Variants in RAPGEF4 observed in about 807,000 individuals in gnomAD.
The protein encoded by RAPGEF4 is RAP guanine-nucleotide-exchange factor (GEF) 4.
A neutral mutation model predicts 147.9 loss-of-function variants in RAPGEF4; 66 were observed. That is an observed-to-expected ratio of 0.45 (90% CI 0.37 to 0.55). RAPGEF4 has a LOEUF of 0.55. RAPGEF4 is among the 20% of genes least tolerant of loss of function. RAPGEF4 has a pLI of 0.00. For synonymous variants in RAPGEF4, 419 were observed against 442.7 expected, an observed-to-expected ratio of 0.95 and a Z score of 0.67; for missense variants, 1,071 against 1,257.3, an observed-to-expected ratio of 0.85 and a Z score of 2.24.
chr2:173,048,796 G>C, intron 30 of RAPGEF4, 142 bp downstream of exon 30: 1 of 1,448,362 alleles, frequency 6.9e-7, no homozygotes, highest in Non-Finnish European at 9.1e-7. Context: ...ATGAGATAGG[G>C]GCCTTGAGTT....
intron 4 of RAPGEF4, among the ~76,000 whole-genome samples, chr2:172,826,737 C>T (rs183434965): frequency 2.0e-4 from 30 of 152,146 alleles, no homozygotes; most frequent in African/African-American, 6.5e-4. Context: ...GAGGGTGATG[C>T]GAGCAGATTT....
chr2:172,795,032 G>T lies in RAPGEF4; in HGVS notation c.73G>T (p.Glu25Ter). 6.2e-7 allele frequency: 1 copy of T among 1,613,920 alleles called. No homozygotes were observed. Among genetic ancestry groups the T allele is most frequent in the Non-Finnish European group, 8.5e-7 (1 of 1,179,918 alleles). Residue 25 changes from glutamate to a stop codon, truncating the protein, a stop_gained, in exon 2 of 31, where the codon GAG becomes TAG. Coordinates refer to ENST00000397081, the MANE Select transcript of RAPGEF4 (RefSeq NM_007023.4). LOFTEE classifies it high-confidence loss of function. ...WIACLDKRPL[E>*]RSSEDVDIIF... ...CCTTTTCTCCCTATACAGACCACTG[G>T]AGCGATCCAGCGAAGATGTGGATAT...
At chr2:172,847,822 G>C (rs1297288028) in intron 4 of RAPGEF4, among the ~76,000 whole-genome samples, 2 of 152,136 alleles carry the variant, frequency 1.3e-5, no homozygotes, top group Non-Finnish European at 2.9e-5. Context: ...TACTTTAATA[G>C]GACCATGTGT....
intron 4 of RAPGEF4, among the ~76,000 whole-genome samples, chr2:172,855,479 G>T (rs1411405188): frequency 6.6e-6 from 1 of 152,162 alleles, no homozygotes. Flanking sequence ...GTATGTGTGT[G>T]TCTGTCTGTT....
At chr2:172,960,652 AT>A in intron 6 of RAPGEF4, 107 bp from the exon 7 acceptor site, 1 of 778,030 alleles carries the variant, frequency 1.3e-6, no homozygotes, top group Non-Finnish European at 1.9e-6. Flanking sequence ...TTTAAATTAT[AT>A]TTTGAGTTTT....
chr2:172,812,596 T>C (rs141756528), intron 3 of RAPGEF4, among the ~76,000 whole-genome samples: 3 of 152,302 alleles, frequency 2.0e-5, no homozygotes, highest in Non-Finnish European at 2.9e-5. Flanking sequence ...GACTGATTAA[T>C]CCATAAACTG....
chr2:173,013,488 A>C (rs1320947843), intron 17 of RAPGEF4, among the ~76,000 whole-genome samples: 1 of 152,254 alleles, frequency 6.6e-6, no homozygotes. Flanking sequence ...TTATATTGTA[A>C]ATAGTGAAGA....
chr2:172,775,305 AC>A (rs1684057676), intron 1 of RAPGEF4, among the ~76,000 whole-genome samples: 1 of 152,146 alleles, frequency 6.6e-6, no homozygotes, highest in Non-Finnish European at 1.5e-5. Flanking sequence ...AATCATTCAA[AC>A]CTTGCCTGAA....
chr2:173,002,621 C>CTT (rs35905755), intron 17 of RAPGEF4, among the ~76,000 whole-genome samples: 48,817 of 138,776 alleles, frequency 0.35, 9,179 homozygotes, highest in East Asian at 0.73. Context: ...TTTATTCTTT[C>CTT]TTTTTTTTTT....
intron 4 of RAPGEF4, among the ~76,000 whole-genome samples, chr2:172,849,074 C>CTT (rs71018522): frequency 7.4e-5 from 10 of 134,338 alleles, no homozygotes; most frequent in South Asian, 2.5e-4. Context: ...GGGAGCTTTT[C>CTT]TTTTTTTTTT....
chr2:172,883,936 G>T (rs561941939), intron 4 of RAPGEF4, among the ~76,000 whole-genome samples: 2 of 152,308 alleles, frequency 1.3e-5, no homozygotes, highest in Non-Finnish European at 2.9e-5. Context: ...TATTTTGGAG[G>T]AGAGAAGGGG....
At chr2:172,874,854 G>T (rs1695693220) in intron 4 of RAPGEF4, among the ~76,000 whole-genome samples, 1 of 152,066 alleles carries the variant, frequency 6.6e-6, no homozygotes, top group South Asian at 2.1e-4. Flanking sequence ...ACAGTTTACA[G>T]TCCCACCAAC....
At chr2:173,009,351 A>T (rs1694792750) in intron 17 of RAPGEF4, among the ~76,000 whole-genome samples, 2 of 152,206 alleles carry the variant, frequency 1.3e-5, no homozygotes, top group African/African-American at 4.8e-5. Flanking sequence ...CAGTTGATTA[A>T]AAAATATTGA....
chr2:172,802,994 C>T (rs1209089059), intron 3 of RAPGEF4, among the ~76,000 whole-genome samples: 1 of 152,210 alleles, frequency 6.6e-6, no homozygotes, highest in Non-Finnish European at 1.5e-5. Flanking sequence ...TTCCCATCGT[C>T]TTGGGCAGCT....
intron 1 of RAPGEF4, among the ~76,000 whole-genome samples, chr2:172,760,412 C>T (rs960452932): frequency 4.6e-5 from 7 of 152,190 alleles, no homozygotes; most frequent in Non-Finnish European, 7.4e-5. Context: ...AAAAATACAA[C>T]AACTGAAATT....
intron 4 of RAPGEF4, among the ~76,000 whole-genome samples, chr2:172,902,767 G>C (rs1699209405): frequency 6.6e-6 from 1 of 152,186 alleles, no homozygotes. Flanking sequence ...ACCCTGCAGA[G>C]AAAACAGAGT....
intron 4 of RAPGEF4, among the ~76,000 whole-genome samples, chr2:172,915,338 TG>T (rs1333099516): frequency 6.6e-6 from 1 of 152,210 alleles, no homozygotes; most frequent in Non-Finnish European, 1.5e-5. Context: ...AATGGTATTG[TG>T]GTTTTATTTT....
intron 10 of RAPGEF4, among the ~76,000 whole-genome samples, chr2:172,969,819 G>A (rs1690263439): frequency 6.6e-6 from 1 of 152,178 alleles, no homozygotes; most frequent in Non-Finnish European, 1.5e-5. Context: ...GGAGAAATGG[G>A]AGTCGCTGCT....
chr2:172,742,006 A>G lies in RAPGEF4; in HGVS notation c.65+5958A>G, dbSNP rs1229892951. Among the ~76,000 whole-genome samples the G allele has an allele frequency of 4.6e-5, 7 of 152,290 alleles. No individual in the cohort carries two copies. In the East Asian group the frequency reaches 9.6e-4, roughly 21 times the overall value. Reference sequence around the variant, plus strand: ...CTGTGCCACCCCTTCCCTGGCTCCAACATCATCAACTTACAGCCAACCTTG... The same window carrying G: ...CTGTGCCACCCCTTCCCTGGCTCCAGCATCATCAACTTACAGCCAACCTTG... On this transcript the variant is annotated intron_variant, in intron 1 of 30. Coordinates refer to ENST00000397081, the MANE Select transcript of RAPGEF4 (RefSeq NM_007023.4).
Sources: allele counts gnomAD v4.1 joint callset (sites outside exome capture counted in the v4.1 genomes callset), GRCh38; gene constraint gnomAD v4.1.1; transcripts MANE v1.5; gene names NCBI Gene and HGNC (gene_info 2026-07-23, HGNC 2026-07-21).